TBC1D20: variants seen among roughly 807,000 people sequenced by gnomAD.
TBC1D20 encodes TBC1 domain family member 20, also known as chromosome 20 open reading frame 140.
In TBC1D20, 12 loss-of-function variants were observed where a neutral mutation model predicts 41.6. The observed-to-expected ratio is 0.29, with a 90% CI of 0.18 to 0.47. TBC1D20 has a LOEUF of 0.47. Ranked by LOEUF, TBC1D20 falls within the 20% of genes least tolerant of loss-of-function variation. The pLI is 1.00. For missense variants in TBC1D20, 421 were observed against 517.4 expected (o/e 0.81, Z 1.81); for synonymous variants, 205 against 204.8 (o/e 1.00, Z -0.01).
At chr20:448,689 G>GAA (rs557901716) in intron 1 of TBC1D20, among the ~76,000 whole-genome samples, 131 of 98,396 alleles carry the variant, frequency 1.3e-3, no homozygotes, top group East Asian at 0.011. Context: ...ACTCCGTCTT[G>GAA]AAAAAAAAAA....
intron 2 of TBC1D20, among the ~76,000 whole-genome samples, chr20:445,732 T>C (rs889157575): frequency 6.6e-6 from 1 of 152,208 alleles, no homozygotes; most frequent in Non-Finnish European, 1.5e-5. Context: ...ATTATACATA[T>C]AACAAGTGTA....
chr20:453,302 G>A (rs1324840753), intron 1 of TBC1D20, among the ~76,000 whole-genome samples: 3 of 148,320 alleles, frequency 2.0e-5, no homozygotes, highest in South Asian at 2.2e-4. Flanking sequence ...GAGAAACCCC[G>A]TCTCTACTAA....
intron 2 of TBC1D20, 67 bp from the exon 3 acceptor site, chr20:445,197 G>A: frequency 1.6e-6 from 2 of 1,253,158 alleles, no homozygotes; most frequent in Non-Finnish European, 1.1e-6. Flanking sequence ...AAAACATTCT[G>A]GGATGACACA....
intron 3 of TBC1D20, among the ~76,000 whole-genome samples, chr20:444,599 G>A (rs902806289): frequency 2.6e-5 from 4 of 151,942 alleles, no homozygotes; most frequent in African/African-American, 9.7e-5. Flanking sequence ...ATCTATTGCT[G>A]CTTAATTTGT....
chr20:450,409 G>A (rs1394506052), intron 1 of TBC1D20, among the ~76,000 whole-genome samples: 1 of 151,688 alleles, frequency 6.6e-6, no homozygotes, highest in Non-Finnish European at 1.5e-5. Context: ...GCCTCCCAAA[G>A]TGCTGAGATT....
Position 437,277 on chromosome 20 carries a change from C to T in TBC1D20, c.*1309G>A, listed in dbSNP as rs141778418. ...TGGGGTAGAGTGCTTCTGGTGTGTT[C>T]ACTTTAAGAAAACATCTGCCAAGAG... On this transcript the variant is annotated 3_prime_UTR_variant, in exon 8 of 8. Coordinates refer to ENST00000354200, the MANE Select transcript of TBC1D20 (RefSeq NM_144628.4). The T allele has an allele frequency of 2.0e-5, 3 of 152,754 alleles. No individual in the cohort carries two copies. The highest frequency in any genetic ancestry group is 1.9e-4 in the East Asian group (1 of 5,186). The allele number at this position is 152,754 out of a possible 1,614,324, so 9.5% of individuals were successfully genotyped here. A position where few individuals can be genotyped will look rare whatever the true frequency, so the allele number is the denominator to read the frequency against.
At chr20:442,926 C>G (rs749553165) in intron 3 of TBC1D20, among the ~76,000 whole-genome samples, 69 of 152,008 alleles carry the variant, frequency 4.5e-4, no homozygotes, top group Non-Finnish European at 8.1e-4. Flanking sequence ...TGAAAAACCC[C>G]GTCTCTAATA....
intron 1 of TBC1D20, among the ~76,000 whole-genome samples, chr20:461,411 C>A (rs1363125671): frequency 6.6e-6 from 1 of 152,200 alleles, no homozygotes; most frequent in East Asian, 1.9e-4. Context: ...GTCACCCAGG[C>A]CGGAGTGCAG....
At chr20:457,381 C>T (rs574067458) in intron 1 of TBC1D20, among the ~76,000 whole-genome samples, 230 of 152,134 alleles carry the variant, frequency 1.5e-3, no homozygotes, top group African/African-American at 5.3e-3. Flanking sequence ...TGCCACCATG[C>T]CTAATTTTAA....
chr20:442,029 G>A lies in TBC1D20; in HGVS notation c.352C>T (p.Gln118Ter). ...RRFPPGMPEE[Q>*]REGLQEELID... ...AGTTCTTCCTGGAGCCCTTCTCTCT[G>A]TTCCTCTGGCATGCCTGGGGACAGG... Residue 118 changes from glutamine (Q) to a stop codon, truncating the protein, a stop_gained, in exon 4 of 8, where the codon CAG (glutamine) becomes TAG (stop). Transcript: ENST00000354200. LOFTEE classifies it high-confidence loss of function. 3 of 1,612,462 alleles carry A rather than the reference G, an allele frequency of 1.9e-6. No homozygotes were observed. The highest frequency in any genetic ancestry group is 2.5e-6 in the Non-Finnish European group (3 of 1,178,994).
chr20:438,461 C>G lies in TBC1D20; in HGVS notation c.*125G>C, dbSNP rs2017159348. 1 of 1,151,418 alleles carries G rather than the reference C, an allele frequency of 8.7e-7. No homozygotes were observed. The highest frequency in any genetic ancestry group is 2.2e-5 in the Admixed American group (1 of 44,940). The allele number at this position is 1,151,418 out of a possible 1,614,324, so 71.3% of individuals were successfully genotyped here. Reference sequence around the variant, plus strand: ...TAAAGGCAAACACAAACGGGCAGGGCAGGGTGGCAGGAATAAAAAACTCTG... The same window carrying G: ...TAAAGGCAAACACAAACGGGCAGGGGAGGGTGGCAGGAATAAAAAACTCTG... On this transcript the variant is annotated 3_prime_UTR_variant, in exon 8 of 8. Transcript: ENST00000354200.
At position 462,504 on chromosome 20, in the gene TBC1D20, C is replaced by G. The variant is rs551856876; in HGVS notation, c.-99G>C. 1,181 of 670,734 alleles carry G rather than the reference C, an allele frequency of 1.8e-3. 1 individual carries two copies. The highest frequency in any genetic ancestry group is 2.1e-3 in the Non-Finnish European group (1,068 of 508,282). 41.5% of individuals were successfully genotyped at this position (670,734 alleles called of 1,614,324 possible). A position where few individuals can be genotyped will look rare whatever the true frequency, so the allele number is the denominator to read the frequency against. The stretch of plus-strand genomic sequence containing the variant: ...GGACGTAGCACCCGCTCGGCATCGG[C>G]AGGCTCCCCTCCGTCGGCCAGCGGC... On this transcript the variant is annotated 5_prime_UTR_variant, in exon 1 of 8. Coordinates refer to ENST00000354200, the MANE Select transcript of TBC1D20 (RefSeq NM_144628.4).
rs1293031610 is a variant in TBC1D20, at chr20:445,133, A to G, written c.257-3T>C. 25 of 1,589,320 alleles carry G rather than the reference A, an allele frequency of 1.6e-5. No individual in the cohort carries two copies. The highest frequency in any genetic ancestry group is 2.1e-5 in the Non-Finnish European group (25 of 1,164,394). On this transcript the variant is annotated splice_polypyrimidine_tract_variant and splice_region_variant and intron_variant, in intron 2 of 7. Transcript: ENST00000354200. The stretch of plus-strand genomic sequence containing the variant: ...GCTCATCTGCCGTAGGTTCTTCCCT[A>G]TTGAAGGAAAAGGCACGTTATTGCA...
At chr20:444,988 A>C (rs1268858592) in intron 3 of TBC1D20, 62 bp downstream of exon 3, 1 of 1,460,504 alleles carries the variant, frequency 6.8e-7, no homozygotes, top group African/African-American at 1.4e-5. Flanking sequence ...ATTAGGTCAC[A>C]TGGTATGACC....
intron 2 of TBC1D20, 118 bp from the exon 3 acceptor site, chr20:445,248 T>G (rs748059702): frequency 4.2e-6 from 3 of 714,466 alleles, no homozygotes; most frequent in Non-Finnish European, 7.5e-6. Context: ...CTGAAGAGGA[T>G]GATATGACTC....
Position 460,872 on chromosome 20 carries a change from A to T in TBC1D20, c.70+1464T>A, listed in dbSNP as rs535567085. Among the ~76,000 whole-genome samples, 3 of 152,330 alleles carry T rather than the reference A, an allele frequency of 2.0e-5. No individual in the cohort carries two copies. In the South Asian group the frequency reaches 6.2e-4, roughly 32 times the overall value. On this transcript the variant is annotated intron_variant, in intron 1 of 7. Coordinates refer to ENST00000354200, the MANE Select transcript of TBC1D20 (RefSeq NM_144628.4). ...ACTAGAGGGGGTAAAGTCTTGCAACAGATACACAGCTGCACTGCCAACAGG... is the reference window on the plus strand; with the variant it reads ...ACTAGAGGGGGTAAAGTCTTGCAACTGATACACAGCTGCACTGCCAACAGG...
chr20:443,062 T>C (rs1403341189), intron 3 of TBC1D20, among the ~76,000 whole-genome samples: 1 of 152,022 alleles, frequency 6.6e-6, no homozygotes, highest in African/African-American at 2.4e-5. Flanking sequence ...ATCGTGCCAC[T>C]GCACTGCAGC....
In TBC1D20 at chr20:441,640, G is replaced by A; in HGVS notation, c.574C>T (p.Leu192=). The A allele has an allele frequency of 6.2e-7, 1 of 1,614,182 alleles. No homozygotes were observed. The highest frequency in any genetic ancestry group is 8.5e-7 in the Non-Finnish European group (1 of 1,180,030). Residue 192 remains leucine, a synonymous_variant, in exon 5 of 8, where the codon CTG becomes TTG. Coordinates refer to ENST00000354200, the MANE Select transcript of TBC1D20 (RefSeq NM_144628.4). ...TTCACCTGGTCAATGATGGGCATCA[G>A]ATAGTTTAATATATGCTTGGTGTTG... ...MDNTKHILNY[L]MPIIDQVNPE...
rs1287270305 is a variant in TBC1D20, at chr20:438,216, A to G, written c.*370T>C. On this transcript the variant is annotated 3_prime_UTR_variant, in exon 8 of 8. Transcript: ENST00000354200. ...GCAGTAAGAGGGCATCCCATGTTCC[A>G]GTTCACCTTCTATGGGGTGACTAGG... The G allele has an allele frequency of 4.8e-6, 1 of 207,254 alleles. No individual in the cohort carries two copies. The highest frequency in any genetic ancestry group is 9.9e-6 in the Non-Finnish European group (1 of 100,648). The allele number at this position is 207,254 out of a possible 1,614,324, so 12.8% of individuals were successfully genotyped here. A position where few individuals can be genotyped will look rare whatever the true frequency, so the allele number is the denominator to read the frequency against.
Sources: gnomAD v4.1 joint callset for allele counts (sites outside exome capture counted in the v4.1 genomes callset) on GRCh38, gnomAD v4.1.1 for gene constraint, MANE v1.5 for transcripts, NCBI Gene and HGNC (gene_info 2026-07-23, HGNC 2026-07-21) for gene names.